The following PCDHA6 variants were observed in gnomAD, a reference collection of about 807,000 sequenced individuals.
PCDHA6 encodes the protein protocadherin alpha-6.
A neutral mutation model predicts 60.3 loss-of-function variants in PCDHA6; 55 were observed. That is an observed-to-expected ratio of 0.91 (90% CI 0.73 to 1.14). The LOEUF (loss-of-function observed/expected upper bound fraction) is 1.14. PCDHA6 is among the 50% of genes most tolerant of loss of function. The pLI is 0.00. For synonymous variants in PCDHA6, 652 were observed against 557.9 expected, an observed-to-expected ratio of 1.17 and a Z score of -2.38; for missense variants, 1,327 against 1,256.5, an observed-to-expected ratio of 1.06 and a Z score of -0.85.
At chr5:140,860,132 T>C (rs2150486737) in intron 1 of PCDHA6, 1 of 150,816 alleles carries the variant, frequency 6.6e-6, no homozygotes, top group East Asian at 1.9e-4. Flanking sequence ...TGTGTGTGTG[T>C]GTATATATAT....
intron 1 of PCDHA6, chr5:140,859,474 T>TA: frequency 4.8e-6 from 1 of 210,386 alleles, no homozygotes; most frequent in Non-Finnish European, 9.2e-6. Context: ...CTATCAATTG[T>TA]GTTTTCCTGA....
At chr5:141,008,809 C>T (rs1397377778) in intron 3 of PCDHA6, among the ~76,000 whole-genome samples, 2 of 152,160 alleles carry the variant, frequency 1.3e-5, no homozygotes, top group African/African-American at 4.8e-5. Flanking sequence ...CAAATAGGCT[C>T]AATTTACAAC....
chr5:140,856,760 G>T, intron 1 of PCDHA6: 1 of 1,596,522 alleles, frequency 6.3e-7, no homozygotes, highest in Admixed American at 1.7e-5. Context: ...CAATGATAAC[G>T]CCCCTATCTT....
At chr5:140,898,445 G>GAA (rs1317860515) in intron 1 of PCDHA6, among the ~76,000 whole-genome samples, 7 of 152,126 alleles carry the variant, frequency 4.6e-5, no homozygotes, top group Admixed American at 3.3e-4. Flanking sequence ...ATTAAATAGG[G>GAA]AATCCTTTCC....
chr5:140,938,753 T>G (rs1381426227), intron 1 of PCDHA6, among the ~76,000 whole-genome samples: 3 of 152,170 alleles, frequency 2.0e-5, no homozygotes, highest in Admixed American at 1.3e-4. Flanking sequence ...TTTAAAGGCA[T>G]AGTTATTGGG....
In PCDHA6 at chr5:140,850,590, T is replaced by G. The variant is rs2150490414; in HGVS notation, c.2394+20105T>G. The G allele has an allele frequency of 2.7e-5, 43 of 1,598,318 alleles. 1 individual carries two copies. The highest frequency in any genetic ancestry group is 3.5e-5 in the Non-Finnish European group (41 of 1,167,854). ...GGTGACGCTGGTGGATGTCAACGTG[T>G]ACCTGATCATCGCCATCTGCGCGGT... On this transcript the variant is annotated intron_variant, in intron 1 of 3. Coordinates refer to ENST00000529310, the MANE Select transcript of PCDHA6 (RefSeq NM_018909.4).
rs782516369 is a variant in PCDHA6 at position 140,857,545 on chromosome 5, C to T, written c.2394+27060C>T. The T allele has an allele frequency of 1.9e-6, 3 of 1,596,810 alleles. 1 individual carries two copies. The highest frequency in any genetic ancestry group is 1.1e-5 in the South Asian group (1 of 90,486). On this transcript the variant is annotated intron_variant, in intron 1 of 3. Transcript: ENST00000529310. ...ACTCTCTGGTGGAGCGGCGGTTGGGCGAGCGCTCGCTGTCGAGCTACGTGT... is the reference window on the plus strand; with the variant it reads ...ACTCTCTGGTGGAGCGGCGGTTGGGTGAGCGCTCGCTGTCGAGCTACGTGT...
chr5:140,838,406 G>T (rs1775717074), intron 1 of PCDHA6, among the ~76,000 whole-genome samples: 1 of 151,394 alleles, frequency 6.6e-6, no homozygotes, highest in Admixed American at 6.6e-5. Flanking sequence ...TTACAGGAGT[G>T]AGCCACCGCA....
rs1778917220 is a variant in PCDHA6 at position 140,843,490 on chromosome 5, C to T, written c.2394+13005C>T. 14 of 1,596,024 alleles carry T rather than the reference C, an allele frequency of 8.8e-6. 1 individual carries two copies. The highest frequency in any genetic ancestry group is 2.2e-5 in the East Asian group (1 of 44,822). On this transcript the variant is annotated intron_variant, in intron 1 of 3. Coordinates refer to ENST00000529310, the MANE Select transcript of PCDHA6 (RefSeq NM_018909.4). ...TGCTGCTGTACACTGCGCTGCGGTG[C>T]TCAGCACTGCCCACTGAGGGCGGGT...
chr5:140,845,513 G>A (rs2150211324), intron 1 of PCDHA6, among the ~76,000 whole-genome samples: 1 of 149,564 alleles, frequency 6.7e-6, no homozygotes, highest in African/African-American at 2.4e-5. Context: ...CCTATTTCTT[G>A]TACATTAATA....
intron 1 of PCDHA6, among the ~76,000 whole-genome samples, chr5:140,922,707 A>T (rs1282909188): frequency 4.6e-5 from 7 of 152,240 alleles, no homozygotes; most frequent in African/African-American, 1.4e-4. Context: ...TACAGTCAAG[A>T]ACAAAAAGAA....
chr5:140,997,221 T>C (rs2097763900), intron 3 of PCDHA6, among the ~76,000 whole-genome samples: 1 of 152,152 alleles, frequency 6.6e-6, no homozygotes, highest in Admixed American at 6.5e-5. Context: ...GAAACTATCA[T>C]TACCACCCAA....
At chr5:140,966,125 C>T (rs1443798693) in intron 1 of PCDHA6, 1 of 159,140 alleles carries the variant, frequency 6.3e-6, no homozygotes, top group African/African-American at 2.4e-5. Context: ...TTAGCTAAGG[C>T]CCCTCAGTTT....
chr5:140,838,638 C>T (rs1775813369), intron 1 of PCDHA6, among the ~76,000 whole-genome samples: 1 of 151,758 alleles, frequency 6.6e-6, no homozygotes, highest in Non-Finnish European at 1.5e-5. Flanking sequence ...TTTGGTTGGT[C>T]AAAAAAATGA....
intron 3 of PCDHA6, among the ~76,000 whole-genome samples, chr5:141,009,296 T>A (rs889577032): frequency 3.3e-4 from 50 of 152,004 alleles, no homozygotes; most frequent in Non-Finnish European, 5.3e-4. Context: ...TTCTATAAAA[T>A]TTTTTTTAAA....
At position 140,881,397 on chromosome 5, in the gene PCDHA6, T is replaced by C. The variant is rs571341331; in HGVS notation, c.2394+50912T>C. On this transcript the variant is annotated intron_variant, in intron 1 of 3. Transcript: ENST00000529310. ...CAGCCGGCGGCGGTAAGTTAAATTC[T>C]ATTAAATCAATAGGATATTAGTTCC... 20 of 979,006 alleles carry C rather than the reference T, an allele frequency of 2.0e-5. No homozygotes were observed. In the African/African-American group the frequency reaches 3.5e-4, roughly 17 times the overall value. 60.6% of individuals were successfully genotyped at this position (979,006 alleles called of 1,614,324 possible). A position where few individuals can be genotyped will look rare whatever the true frequency, so the allele number is the denominator to read the frequency against.
intron 1 of PCDHA6, among the ~76,000 whole-genome samples, chr5:140,961,280 CT>C (rs2153727915): frequency 6.6e-6 from 1 of 152,104 alleles, no homozygotes; most frequent in Admixed American, 6.5e-5. Flanking sequence ...TACCATGGCT[CT>C]GTTTCTTGAG....
intron 1 of PCDHA6, chr5:140,967,835 G>T: frequency 6.2e-7 from 1 of 1,614,142 alleles, no homozygotes; most frequent in Non-Finnish European, 8.5e-7. Flanking sequence ...GGACATCGTG[G>T]ACGTGAATGA....
In PCDHA6 at chr5:140,897,362, T is replaced by C. The variant is rs1395353589; in HGVS notation, c.2394+66877T>C. Among the ~76,000 whole-genome samples the C allele has an allele frequency of 2.5e-5, 3 of 120,464 alleles. No homozygotes were observed. The East Asian group carries it at 7.6e-4, about 30-fold the overall frequency. 79.0% of individuals were successfully genotyped at this position (120,464 alleles called of 152,430 possible). ...CCCCACCCCACAACTGTCCCCAGAG[T>C]GTGATGTTCCCTTCCCCTTCCTGTG... On this transcript the variant is annotated intron_variant, in intron 1 of 3. Coordinates refer to ENST00000529310, the MANE Select transcript of PCDHA6 (RefSeq NM_018909.4).
Sources: gnomAD v4.1 joint callset for allele counts (sites outside exome capture counted in the v4.1 genomes callset) on GRCh38, gnomAD v4.1.1 for gene constraint, MANE v1.5 for transcripts, NCBI Gene and HGNC (gene_info 2026-07-23, HGNC 2026-07-21) for gene names.